ERI3: variants seen among roughly 807,000 people sequenced by gnomAD.
The protein encoded by ERI3 is ERI1 exoribonuclease 3.
In ERI3, 18 loss-of-function variants were observed where a neutral mutation model predicts 44.4. That is an observed-to-expected ratio of 0.41 (90% CI 0.28 to 0.60). The LOEUF is 0.60. ERI3 is among the 20% of genes least tolerant of loss of function. The pLI is 0.36. For synonymous variants in ERI3, 183 were observed against 164.8 expected (o/e 1.11, Z -0.84); for missense variants, 294 against 435.5 (o/e 0.68, Z 2.89).
intron 8 of ERI3, among the ~76,000 whole-genome samples, chr1:44,226,641 C>A (rs2154315215): frequency 6.6e-6 from 1 of 152,122 alleles, no homozygotes; most frequent in African/African-American, 2.4e-5. Flanking sequence ...CTCAGTGCCA[C>A]TCACTGAGAT....
At chr1:44,245,252 C>T (rs1443546130) in intron 8 of ERI3, among the ~76,000 whole-genome samples, 11 of 152,212 alleles carry the variant, frequency 7.2e-5, no homozygotes, top group Admixed American at 7.2e-4. Flanking sequence ...CCTTCCCCGC[C>T]TCTCCCAGCC....
intron 8 of ERI3, among the ~76,000 whole-genome samples, chr1:44,223,361 G>C (rs1362283218): frequency 6.6e-6 from 1 of 152,066 alleles, no homozygotes; most frequent in African/African-American, 2.4e-5. Context: ...GACAGGAAGG[G>C]GAATGGGACC....
At chr1:44,304,205 C>T (rs1160838295) in intron 6 of ERI3, among the ~76,000 whole-genome samples, 2 of 151,850 alleles carry the variant, frequency 1.3e-5, no homozygotes, top group Non-Finnish European at 1.5e-5. Context: ...GCAGATGAGC[C>T]CGATTTCTTT....
At position 44,339,299 on chromosome 1, in the gene ERI3, T is replaced by C. The variant is rs1362792824; in HGVS notation, c.235A>G (p.Met79Val). 8 of 1,593,850 alleles carry C rather than the reference T, an allele frequency of 5.0e-6. No homozygotes were observed. The highest frequency in any genetic ancestry group is 3.4e-5 in the Admixed American group (2 of 58,348). ...GCTCCAGTCTGTAAAGGTGCTAGCA[T>C]TGAACATCCAGAAGCATCTAAAACT... Reference protein sequence around the residue: ...RRVLDASGCSMLAPLQTGAAR... With the variant: ...RRVLDASGCSVLAPLQTGAAR... Residue 79 changes from methionine (M) to valine (V), a missense_variant, in exon 3 of 9, where the codon ATG (methionine) becomes GTG (valine). Met to Val is a conservative substitution (Grantham distance 21). Around this residue, in one of 2 missense-constraint regions of ERI3, gnomAD observed 187 missense variants for 338.6 expected, o/e 0.55. Coordinates refer to ENST00000372257, the MANE Select transcript of ERI3 (RefSeq NM_024066.3).
rs1646222032 is a variant in ERI3 at position 44,322,397 on chromosome 1, A to G, written c.490-2653T>C. ...TCGGATCCACGCAAAAAAAAAAAAA[A>G]GGAGGGGGGTAGGCCCCTGAAATTC... On this transcript the variant is annotated intron_variant, in intron 3 of 8. Transcript: ENST00000372257. Among the ~76,000 whole-genome samples the G allele has an allele frequency of 2.6e-5, 4 of 151,662 alleles. No homozygotes were observed. The South Asian group carries it at 8.3e-4, about 31-fold the overall frequency.
chr1:44,279,788 A>G (rs1645250076), intron 7 of ERI3, among the ~76,000 whole-genome samples: 1 of 152,202 alleles, frequency 6.6e-6, no homozygotes, highest in South Asian at 2.1e-4. Flanking sequence ...TTTGCTGTTT[A>G]TTATATAATC....
At chr1:44,309,003 T>G (rs918813217) in intron 5 of ERI3, among the ~76,000 whole-genome samples, 3 of 152,198 alleles carry the variant, frequency 2.0e-5, no homozygotes, top group African/African-American at 7.2e-5. Flanking sequence ...TGGCCCCCAA[T>G]TTCGTATTTC....
rs571584139 is a variant in ERI3 at position 44,241,977 on chromosome 1, G to A, written c.931+5962C>T. On this transcript the variant is annotated intron_variant, in intron 8 of 8. Coordinates refer to ENST00000372257, the MANE Select transcript of ERI3 (RefSeq NM_024066.3). The surrounding 1 kb of genome is among the most constrained non-coding windows in gnomAD (Gnocchi z 5.6). ...TGAAGAACAGTCTGGTGTCTGGCAAGAACCAATTCCTCAGATGTCTCTGGG... is the reference window on the plus strand; with the variant it reads ...TGAAGAACAGTCTGGTGTCTGGCAAAAACCAATTCCTCAGATGTCTCTGGG... 1.0e-6 allele frequency: 1 copy of A among 985,630 alleles called. No homozygotes were observed. The highest frequency in any genetic ancestry group is 1.7e-5 in the African/African-American group (1 of 57,326). The allele number at this position is 985,630 out of a possible 1,614,324, so 61.1% of individuals were successfully genotyped here. A position where few individuals can be genotyped will look rare whatever the true frequency, so the allele number is the denominator to read the frequency against.
At chr1:44,310,192 AG>A (rs140601382) in intron 5 of ERI3, among the ~76,000 whole-genome samples, 1,839 of 152,314 alleles carry the variant, frequency 0.012, 68 homozygotes, top group East Asian at 0.069. Context: ...TACAGGACCA[AG>A]AAGAGGAAGT....
At position 44,291,075 on chromosome 1, in the gene ERI3, T is replaced by C. The variant is rs12036975; in HGVS notation, c.759-6168A>G. 0.013 allele frequency among the ~76,000 whole-genome samples: 2,008 copies of C among 152,252 alleles called. 233 individuals carry two copies. The East Asian group carries it at 0.3, about 23-fold the overall frequency. On this transcript the variant is annotated intron_variant, in intron 6 of 8. Transcript: ENST00000372257. Reference sequence around the variant, plus strand: ...CTTATACAAACAGAGGCAGACACAATGTGTCACCACTGCAACAGCGTAGCA... The same window carrying C: ...CTTATACAAACAGAGGCAGACACAACGTGTCACCACTGCAACAGCGTAGCA...
chr1:44,291,615 T>C (rs970571451), intron 6 of ERI3, among the ~76,000 whole-genome samples: 1 of 152,208 alleles, frequency 6.6e-6, no homozygotes, highest in Admixed American at 6.5e-5. Context: ...AAGCTGGTCC[T>C]TGACAGTTCA....
At chr1:44,339,463 T>TC in intron 2 of ERI3, 141 bp from the exon 3 acceptor site, 1 of 867,460 alleles carries the variant, frequency 1.2e-6, no homozygotes, top group Non-Finnish European at 1.6e-6. Flanking sequence ...CATGGGCCAC[T>TC]CCCCAGTGTT....
chr1:44,350,327 T>C (rs919323009), intron 2 of ERI3, among the ~76,000 whole-genome samples: 1 of 151,872 alleles, frequency 6.6e-6, no homozygotes, highest in Non-Finnish European at 1.5e-5. Flanking sequence ...AGTGGCACAA[T>C]CTCGGCTCAC....
At chr1:44,317,144 G>GCGCA (rs138612547) in intron 4 of ERI3, among the ~76,000 whole-genome samples, 5 of 151,124 alleles carry the variant, frequency 3.3e-5, no homozygotes, top group South Asian at 2.1e-4. Context: ...GCATGTGCGT[G>GCGCA]CACACACACA....
intron 6 of ERI3, among the ~76,000 whole-genome samples, chr1:44,286,793 C>T (rs1025153053): frequency 6.6e-6 from 1 of 152,304 alleles, no homozygotes; most frequent in East Asian, 1.9e-4. Flanking sequence ...ACAATACTTC[C>T]ATCTTTTCCT....
rs113909440 is a variant in ERI3 at position 44,244,559 on chromosome 1, G to A, written c.931+3380C>T. ...TGGTAGGTCCAAGGTAGTGTGTACT[G>A]AATGAAAGAAAGTTTTACCTGGTGT... On this transcript the variant is annotated intron_variant, in intron 8 of 8. Transcript: ENST00000372257. Among the ~76,000 whole-genome samples the A allele has an allele frequency of 1.1e-3, 165 of 152,192 alleles. 1 individual carries two copies. The highest frequency in any genetic ancestry group is 3.6e-3 in the African/African-American group (151 of 41,512).
intron 3 of ERI3, among the ~76,000 whole-genome samples, chr1:44,332,084 A>G (rs1200293268): frequency 6.6e-6 from 1 of 152,162 alleles, no homozygotes; most frequent in Non-Finnish European, 1.5e-5. Context: ...GTTACTATCC[A>G]AAGAGTAAAA....
intron 6 of ERI3, among the ~76,000 whole-genome samples, chr1:44,295,698 T>A (rs1645595848): frequency 6.6e-6 from 1 of 152,206 alleles, no homozygotes; most frequent in African/African-American, 2.4e-5. Context: ...ATGGGACACA[T>A]CTGCTACCAC....
intron 8 of ERI3, among the ~76,000 whole-genome samples, chr1:44,231,319 T>G (rs1372424600): frequency 6.6e-6 from 1 of 152,120 alleles, no homozygotes; most frequent in Non-Finnish European, 1.5e-5. Flanking sequence ...ACCTTAAAAT[T>G]TATACCCTTA....
Sources: gnomAD v4.1 joint callset for allele counts (sites outside exome capture counted in the v4.1 genomes callset) on GRCh38, gnomAD v4.1.1 for gene constraint, gnomAD v4.1.1 regional missense constraint, Gnocchi (gnomAD v3.1) non-coding constraint, MANE v1.5 for transcripts, NCBI Gene and HGNC (gene_info 2026-07-23, HGNC 2026-07-21) for gene names.